Variants in OTOL1 observed in about 807,000 individuals in gnomAD.
OTOL1 encodes otolin 1.
In OTOL1, 31 loss-of-function variants were observed where a neutral mutation model predicts 25.0. The observed-to-expected ratio is 1.24, with a 90% CI of 0.93 to 1.67. OTOL1 has a LOEUF of 1.67. Ranked by LOEUF, OTOL1 falls within the 40% of genes most tolerant of loss-of-function variation. The pLI is 0.00. For missense variants in OTOL1, 654 were observed against 587.7 expected, an observed-to-expected ratio of 1.11 and a Z score of -1.17; for synonymous variants, 225 against 210.3, an observed-to-expected ratio of 1.07 and a Z score of -0.61.
chr3:161,499,116 A>G (rs1718908782), intron 1 of OTOL1, 55 bp from the exon 2 acceptor site: 3 of 1,369,112 alleles, frequency 2.2e-6, no homozygotes, highest in Admixed American at 2.0e-5. Context: ...TCCTGAACTA[A>G]TGAACTTTAA....
rs1719025494 is a variant in OTOL1 at position 161,503,349 on chromosome 3, G to T, written c.841G>T (p.Gly281Cys). 1.9e-6 allele frequency: 3 copies of T among 1,593,080 alleles called. No individual in the cohort carries two copies. Among genetic ancestry groups the T allele is most frequent in the Non-Finnish European group, 2.6e-6 (3 of 1,170,660 alleles). The change falls in exon 4 of 4, where the codon GGT becomes TGT. Residue 281 changes from glycine (G) to cysteine (C), a missense_variant. By Grantham distance (159) the Gly-to-Cys change is radical (BLOSUM62 -3). Coordinates refer to ENST00000327928, the MANE Select transcript of OTOL1 (RefSeq NM_001080440.1). ...SGMEGKSGRN[G>C]LPGAKGDPGI... is the part of the protein sequence containing the mutation. ...AATGGAAGGCAAAAGCGGCCGTAATGGTCTGCCTGGGGCCAAAGGTGATCC... is the reference window on the plus strand; with the variant it reads ...AATGGAAGGCAAAAGCGGCCGTAATTGTCTGCCTGGGGCCAAAGGTGATCC...
chr3:161,498,933 C>T (rs963797029), intron 1 of OTOL1, among the ~76,000 whole-genome samples: 1 of 152,182 alleles, frequency 6.6e-6, no homozygotes, highest in African/African-American at 2.4e-5. Flanking sequence ...CATTTGATCA[C>T]TGCCATGAAT....
rs1395480502 is a variant in OTOL1 at position 161,497,004 on chromosome 3, C to A, written c.197C>A (p.Ala66Glu). 1.9e-6 allele frequency: 3 copies of A among 1,613,654 alleles called. No homozygotes were observed. Among genetic ancestry groups the A allele is most frequent in the Non-Finnish European group, 2.5e-6 (3 of 1,179,676 alleles). The change falls in exon 1 of 4, where the codon GCA (alanine) becomes GAA (glutamate). Residue 66 changes from alanine (A) to glutamate (E), a missense_variant. Transcript: ENST00000327928. ...CTCTTCACAGAAATGGCTGAAATGG[C>A]AGAACCAATTACCAAACCCTCGGCC... ...ETLFTEMAEM[A>E]EPITKPSALD... is the part of the protein sequence containing the mutation.
Position 161,503,338 on chromosome 3 carries a change from G to T in OTOL1, c.830G>T (p.Ser277Ile), listed in dbSNP as rs1719024866. The change falls in exon 4 of 4, where the codon AGC becomes ATC. Residue 277 changes from serine to isoleucine, a missense_variant. Transcript: ENST00000327928. Reference protein sequence around the residue: ...SKGDSGMEGKSGRNGLPGAKG... With the variant: ...SKGDSGMEGKIGRNGLPGAKG... ...GGAGACAGTGGAATGGAAGGCAAAAGCGGCCGTAATGGTCTGCCTGGGGCC... is the reference window on the plus strand; with the variant it reads ...GGAGACAGTGGAATGGAAGGCAAAATCGGCCGTAATGGTCTGCCTGGGGCC... 6.3e-7 allele frequency: 1 copy of T among 1,578,164 alleles called. No individual in the cohort carries two copies. The highest frequency in any genetic ancestry group is 1.4e-5 in the African/African-American group (1 of 73,474).
chr3:161,498,417 T>C (rs1718887042), intron 1 of OTOL1, among the ~76,000 whole-genome samples: 1 of 152,142 alleles, frequency 6.6e-6, no homozygotes, highest in Non-Finnish European at 1.5e-5. Context: ...TGTCTTAGTC[T>C]GACTGGTTCT....
At chr3:161,500,897 G>A (rs1304731504) in intron 2 of OTOL1, among the ~76,000 whole-genome samples, 1 of 152,190 alleles carries the variant, frequency 6.6e-6, no homozygotes, top group Non-Finnish European at 1.5e-5. Context: ...AGTTGATCTT[G>A]TGAAACTGGA....
At position 161,503,068 on chromosome 3, in the gene OTOL1, G is replaced by A; in HGVS notation, c.560G>A (p.Gly187Glu). Residue 187 changes from glycine (G) to glutamate (E), a missense_variant, in exon 4 of 4, where the codon GGA becomes GAA. By Grantham distance (98) the Gly-to-Glu change is moderately conservative. Transcript: ENST00000327928. ...GGAGATAAAGGAAACATTGGTTTGG[G>A]AGGAGTGAAAGGACAAAAAGGCTCC... ...PKGDKGNIGL[G>E]GVKGQKGSKG... The A allele has an allele frequency of 7.2e-7, 1 of 1,386,798 alleles. No homozygotes were observed. Among genetic ancestry groups the A allele is most frequent in the Non-Finnish European group, 9.4e-7 (1 of 1,066,842 alleles). The allele number at this position is 1,386,798 out of a possible 1,614,324, so 85.9% of individuals were successfully genotyped here.
intron 2 of OTOL1, among the ~76,000 whole-genome samples, chr3:161,501,194 G>A (rs1470624138): frequency 6.6e-6 from 1 of 152,052 alleles, no homozygotes; most frequent in Non-Finnish European, 1.5e-5. Flanking sequence ...AATGTGTTCT[G>A]CTATATGAAC....
chr3:161,499,079 T>G lies in OTOL1; in HGVS notation c.365-92T>G, dbSNP rs73875639. 6,338 of 929,278 alleles carry G rather than the reference T, an allele frequency of 6.8e-3. 206 individuals are homozygous for G. In the African/African-American group the frequency reaches 0.081, roughly 12 times the overall value. 57.6% of individuals were successfully genotyped at this position (929,278 alleles called of 1,614,324 possible). A position where few individuals can be genotyped will look rare whatever the true frequency, so the allele number is the denominator to read the frequency against. ...TTACCATTAGGTCATTGATACTTAT[T>G]GATTGCAGTAAAATGCTTTTTTTCT... is the stretch of plus-strand genomic sequence containing the variant. On this transcript the variant is annotated intron_variant, in intron 1 of 3. Transcript: ENST00000327928.
chr3:161,500,927 T>A (rs1041074464), intron 2 of OTOL1, among the ~76,000 whole-genome samples: 4 of 152,064 alleles, frequency 2.6e-5, no homozygotes, highest in African/African-American at 9.7e-5. Flanking sequence ...TTCTCACCAC[T>A]TTTAATTTGG....
Position 161,503,613 on chromosome 3 carries a change from G to A in OTOL1, c.1105G>A (p.Asp369Asn). The change falls in exon 4 of 4, where the codon GAC becomes AAC. Residue 369 changes from aspartate (D) to asparagine (N), a missense_variant. Transcript: ENST00000327928. ...CAAATTTGAAAAGATTCTCTATAAT[G>A]ACCAAGGGAATTACAGTCCTGTCAC... ...PIKFEKILYNDQGNYSPVTGK... is the reference protein window; with the variant it reads ...PIKFEKILYNNQGNYSPVTGK... 1 of 1,613,778 alleles carries A rather than the reference G, an allele frequency of 6.2e-7. No homozygotes were observed. Among genetic ancestry groups the A allele is most frequent in the Non-Finnish European group, 8.5e-7 (1 of 1,179,826 alleles).
Position 161,503,272 on chromosome 3 carries a change from A to C in OTOL1, c.764A>C (p.Gln255Pro). The change falls in exon 4 of 4, where the codon CAG becomes CCG. Residue 255 changes from glutamine (Q) to proline (P), a missense_variant. By Grantham distance (76) the Gln-to-Pro change is moderately conservative (BLOSUM62 -1). Transcript: ENST00000327928. The part of the protein sequence containing the change: ...GDSGERGGKG[Q>P]KGEGGMKGEK... ...TCTGGGGAGAGGGGAGGAAAAGGAC[A>C]GAAAGGTGAGGGGGGTATGAAAGGG... The C allele has an allele frequency of 7.4e-7, 1 of 1,342,518 alleles. No individual in the cohort carries two copies. The highest frequency in any genetic ancestry group is 9.7e-7 in the Non-Finnish European group (1 of 1,034,524). The allele number at this position is 1,342,518 out of a possible 1,614,324, so 83.2% of individuals were successfully genotyped here.
chr3:161,499,399 G>A, intron 2 of OTOL1, 139 bp downstream of exon 2: 1 of 672,394 alleles, frequency 1.5e-6, no homozygotes, highest in Non-Finnish European at 2.5e-6. Context: ...CATTATATTT[G>A]ATATAAATAT....
In OTOL1 at chr3:161,503,228, T is replaced by G. The variant is rs1437753682; in HGVS notation, c.720T>G (p.Asp240Glu). The change falls in exon 4 of 4, where the codon GAT becomes GAG. Residue 240 changes from aspartate (D) to glutamate (E), a missense_variant. Transcript: ENST00000327928. Reference protein sequence around the residue: ...GEMGEKGEMGDKGCCGDSGER... With the variant: ...GEMGEKGEMGEKGCCGDSGER... ...TGGGGGAGAAGGGGGAGATGGGGGA[T>G]AAGGGCTGCTGTGGAGATTCTGGGG... The G allele has an allele frequency of 2.3e-5, 26 of 1,138,906 alleles. No homozygotes were observed. The African/African-American group carries it at 3.1e-4, about 14-fold the overall frequency. 70.6% of individuals were successfully genotyped at this position (1,138,906 alleles called of 1,614,324 possible).
At chr3:161,499,967 A>G (rs1326255692) in intron 2 of OTOL1, among the ~76,000 whole-genome samples, 7 of 152,176 alleles carry the variant, frequency 4.6e-5, no homozygotes, top group Non-Finnish European at 8.8e-5. Context: ...ATCAGTAAAG[A>G]AGGCTTTCTG....
chr3:161,497,100 T>C lies in OTOL1; in HGVS notation c.293T>C (p.Phe98Ser). 6.2e-7 allele frequency: 1 copy of C among 1,613,628 alleles called. No individual in the cohort carries two copies. Among genetic ancestry groups the C allele is most frequent in the Non-Finnish European group, 8.5e-7 (1 of 1,179,632 alleles). ...ENFTLDPADF[F>S]LNCCDCCSPV... ...TTCACTCTTGACCCAGCTGATTTCT[T>C]TTTGAATTGTTGTGATTGTTGTTCA... Residue 98 changes from phenylalanine (F) to serine (S), a missense_variant, in exon 1 of 4, where the codon TTT becomes TCT. Phe to Ser is a radical substitution (Grantham distance 155). Transcript: ENST00000327928.
intron 1 of OTOL1, 136 bp downstream of exon 1, chr3:161,497,307 C>T (rs1718858924): frequency 2.0e-6 from 2 of 1,016,254 alleles, no homozygotes; most frequent in Non-Finnish European, 2.8e-6. Context: ...CACATTGTTA[C>T]AAATGTAAAT....
chr3:161,502,949 T>A (rs908201238), intron 3 of OTOL1, 77 bp from the exon 4 acceptor site: 1 of 1,154,776 alleles, frequency 8.7e-7, no homozygotes, highest in Non-Finnish European at 1.1e-6. Flanking sequence ...TGTTTCTACT[T>A]TTTTGAGCTC....
intron 2 of OTOL1, among the ~76,000 whole-genome samples, chr3:161,501,228 G>A (rs1245101444): frequency 6.6e-6 from 1 of 152,072 alleles, no homozygotes; most frequent in African/African-American, 2.4e-5. Context: ...AAGAGGCTGT[G>A]TTAATGTCAA....
Sources: gnomAD v4.1 joint callset for allele counts (sites outside exome capture counted in the v4.1 genomes callset) on GRCh38, gnomAD v4.1.1 for gene constraint, MANE v1.5 for transcripts, NCBI Gene and HGNC (gene_info 2026-07-23, HGNC 2026-07-21) for gene names.